Variants in MBOAT1 observed in about 807,000 individuals in gnomAD.
MBOAT1 encodes membrane-bound glycerophospholipid O-acyltransferase 1.
MBOAT1 carries 67 observed loss-of-function variants against 64.4 expected under a neutral mutation model. That is an observed-to-expected ratio of 1.04 (90% confidence interval 0.85 to 1.27). The LOEUF is 1.27. Among genes scored for constraint, MBOAT1 ranks in the 50% most tolerant of loss-of-function variants. The pLI is 0.00. For missense variants in MBOAT1, 563 were observed against 604.6 expected (o/e 0.93, Z 0.72); for synonymous variants, 229 against 218.9 (o/e 1.05, Z -0.41).
intron 1 of MBOAT1, among the ~76,000 whole-genome samples, chr6:20,164,192 CACACACACACACAA>C (rs950851783): frequency 1.3e-5 from 2 of 151,240 alleles, no homozygotes; most frequent in African/African-American, 4.9e-5. Flanking sequence ...CACACACACA[CACACACACACACAA>C]ACACACCCCA....
intron 1 of MBOAT1, among the ~76,000 whole-genome samples, chr6:20,198,512 C>T (rs991448989): frequency 6.6e-6 from 1 of 152,210 alleles, no homozygotes; most frequent in African/African-American, 2.4e-5. Flanking sequence ...TTCTAGTCTT[C>T]ACTGATGGTC....
Position 20,182,068 on chromosome 6 carries a change from A to G in MBOAT1, c.100-29299T>C, listed in dbSNP as rs558624820. Among the ~76,000 whole-genome samples, 483 of 152,350 alleles carry G rather than the reference A, an allele frequency of 3.2e-3. 3 individuals are homozygous for G. Among genetic ancestry groups the G allele is most frequent in the African/African-American group, 0.011 (462 of 41,588 alleles). ...AATTCCTTGGTTATAAAATAGGCGTATAATGCCTATTTCCAGAGTTGTTAG... is the reference window on the plus strand; with the variant it reads ...AATTCCTTGGTTATAAAATAGGCGTGTAATGCCTATTTCCAGAGTTGTTAG... On this transcript the variant is annotated intron_variant, in intron 1 of 12. Transcript: ENST00000324607.
chr6:20,148,571 G>A (rs547422490), intron 3 of MBOAT1, among the ~76,000 whole-genome samples: 4 of 152,270 alleles, frequency 2.6e-5, no homozygotes, highest in African/African-American at 4.8e-5. Context: ...GGGAACTTGC[G>A]TTCAAACTGC....
At chr6:20,132,261 C>T (rs1760852776) in intron 4 of MBOAT1, among the ~76,000 whole-genome samples, 1 of 152,180 alleles carries the variant, frequency 6.6e-6, no homozygotes, top group Non-Finnish European at 1.5e-5. Context: ...GATACACAAT[C>T]CAGTGCCCTG....
At chr6:20,143,361 T>C (rs1164512841) in intron 4 of MBOAT1, among the ~76,000 whole-genome samples, 1 of 152,212 alleles carries the variant, frequency 6.6e-6, no homozygotes, top group Non-Finnish European at 1.5e-5. Flanking sequence ...AGACAAAATG[T>C]TTAGAAATTA....
chr6:20,170,927 AATG>A (rs1475430944), intron 1 of MBOAT1, among the ~76,000 whole-genome samples: 10 of 150,684 alleles, frequency 6.6e-5, no homozygotes, highest in Non-Finnish European at 1.5e-4. Flanking sequence ...TGAATGAATG[AATG>A]ATATGCTCAG....
chr6:20,142,459 T>G (rs1319837978), intron 4 of MBOAT1, among the ~76,000 whole-genome samples: 1 of 152,210 alleles, frequency 6.6e-6, no homozygotes, highest in Non-Finnish European at 1.5e-5. Context: ...GGCTTTTTGT[T>G]TTTTGTTTTT....
At chr6:20,120,175 A>T (rs1261475363) in intron 8 of MBOAT1, among the ~76,000 whole-genome samples, 1 of 152,126 alleles carries the variant, frequency 6.6e-6, no homozygotes, top group Non-Finnish European at 1.5e-5. Context: ...AGCATACTAC[A>T]TACACGGGCC....
intron 1 of MBOAT1, among the ~76,000 whole-genome samples, chr6:20,160,111 A>G (rs529310065): frequency 2.0e-5 from 3 of 152,342 alleles, no homozygotes; most frequent in Admixed American, 2.0e-4. Context: ...CAAAGAAATA[A>G]AACACATGCC....
chr6:20,166,496 CT>C (rs1762018258), intron 1 of MBOAT1, among the ~76,000 whole-genome samples: 1 of 152,172 alleles, frequency 6.6e-6, no homozygotes, highest in Non-Finnish European at 1.5e-5. Flanking sequence ...GGGGACTTCT[CT>C]CTTTGGGAGC....
intron 1 of MBOAT1, among the ~76,000 whole-genome samples, chr6:20,172,566 ATGT>A (rs1176102384): frequency 2.6e-5 from 4 of 152,154 alleles, no homozygotes; most frequent in Non-Finnish European, 5.9e-5. Context: ...ATCAAACAGA[ATGT>A]GATGTCAGCC....
In MBOAT1 at chr6:20,167,534, C is replaced by A. The variant is rs2113718841; in HGVS notation, c.100-14765G>T. Among the ~76,000 whole-genome samples the A allele has an allele frequency of 2.6e-5, 4 of 152,234 alleles. 1 individual carries two copies. The Middle Eastern group carries it at 0.014, about 518-fold the overall frequency. ...CCTTTTCATTTATTACTGGCTTTGG[C>A]CAATGAGTTGATTACCCACTGAACT... On this transcript the variant is annotated intron_variant, in intron 1 of 12. Coordinates refer to ENST00000324607, the MANE Select transcript of MBOAT1 (RefSeq NM_001080480.3).
chr6:20,189,561 C>T (rs1477396089), intron 1 of MBOAT1, among the ~76,000 whole-genome samples: 1 of 152,182 alleles, frequency 6.6e-6, no homozygotes, highest in Non-Finnish European at 1.5e-5. Flanking sequence ...CCACTATACT[C>T]AGGTAGCAAT....
intron 1 of MBOAT1, among the ~76,000 whole-genome samples, chr6:20,192,471 A>G (rs2113757697): frequency 6.6e-6 from 1 of 152,326 alleles, no homozygotes; most frequent in East Asian, 1.9e-4. Flanking sequence ...AGAGAGTCCC[A>G]AGAACACATT....
chr6:20,132,395 T>C (rs935913875), intron 4 of MBOAT1, among the ~76,000 whole-genome samples: 3 of 152,202 alleles, frequency 2.0e-5, no homozygotes, highest in Non-Finnish European at 4.4e-5. Flanking sequence ...AAATAAACCA[T>C]TTATTGGCCA....
At chr6:20,152,854 A>G (rs1458961561) in intron 1 of MBOAT1, 85 bp from the exon 2 acceptor site, 16 of 1,237,596 alleles carry the variant, frequency 1.3e-5, no homozygotes, top group Non-Finnish European at 1.6e-5. Flanking sequence ...TTGTTTTGAG[A>G]CGGAGTCTCG....
At chr6:20,176,130 A>G (rs1225468314) in intron 1 of MBOAT1, among the ~76,000 whole-genome samples, 1 of 152,130 alleles carries the variant, frequency 6.6e-6, no homozygotes, top group East Asian at 1.9e-4. Flanking sequence ...CAAAAAGTAA[A>G]ATAATTAGCT....
At chr6:20,104,944 AACAAG>A (rs1759908050) in intron 12 of MBOAT1, among the ~76,000 whole-genome samples, 1 of 152,266 alleles carries the variant, frequency 6.6e-6, no homozygotes, top group South Asian at 2.1e-4. Context: ...TGAGAATGGA[AACAAG>A]ACAAGCACAT....
At chr6:20,211,461 C>A (rs1010746147) in intron 1 of MBOAT1, among the ~76,000 whole-genome samples, 1 of 152,182 alleles carries the variant, frequency 6.6e-6, no homozygotes, top group Non-Finnish European at 1.5e-5. Flanking sequence ...CCAGGAATCA[C>A]TGTTGTTGCC....
Sources: gnomAD v4.1 joint callset for allele counts (sites outside exome capture counted in the v4.1 genomes callset) on GRCh38, gnomAD v4.1.1 for gene constraint, MANE v1.5 for transcripts, NCBI Gene and HGNC (gene_info 2026-07-23, HGNC 2026-07-21) for gene names.